Variants in SHROOM4 observed in about 807,000 individuals in gnomAD.
SHROOM4 encodes the protein protein Shroom4.
In SHROOM4, 17 loss-of-function variants were observed where a neutral mutation model predicts 80.3. That is an observed-to-expected ratio of 0.21 (90% CI 0.14 to 0.32). The LOEUF is 0.32. Among genes scored for constraint, SHROOM4 ranks in the 10% least tolerant of loss-of-function variants. The pLI is 1.00. For synonymous variants in SHROOM4, 400 were observed against 437.5 expected, an observed-to-expected ratio of 0.91 and a Z score of 1.07; for missense variants, 993 against 1,140.3, an observed-to-expected ratio of 0.87 and a Z score of 1.86.
At chrX:50,764,459 C>G (rs1266070333) in intron 1 of SHROOM4, among the ~76,000 whole-genome samples, 2 of 111,277 alleles carry the variant, frequency 1.8e-5, no homozygotes, top group African/African-American at 6.6e-5. Context: ...TGACTAGGAG[C>G]TTGGCATAAA....
chrX:50,791,577 CTTTTTTTTTTTTTTT>C (rs782127144), intron 1 of SHROOM4, among the ~76,000 whole-genome samples: 5 of 57,991 alleles, frequency 8.6e-5, no homozygotes, highest in Non-Finnish European at 1.5e-4. Flanking sequence ...CCATGCCTGA[CTTTTTTTTTTTTTTT>C]TTTTTTTTTT....
intron 1 of SHROOM4, among the ~76,000 whole-genome samples, chrX:50,770,037 A>G (rs568936509): frequency 5.4e-5 from 6 of 110,221 alleles, no homozygotes; most frequent in South Asian, 8.1e-4. Context: ...CTTTTTCCCA[A>G]TGATGGTGGA....
intron 1 of SHROOM4, among the ~76,000 whole-genome samples, chrX:50,813,572 C>A: frequency 8.9e-6 from 1 of 112,450 alleles, no homozygotes; most frequent in East Asian, 2.9e-4. Context: ...AAGGAGAAAT[C>A]CCCAACAGCC....
chrX:50,673,429 A>G (rs782248046), intron 2 of SHROOM4, among the ~76,000 whole-genome samples: 1 of 111,722 alleles, frequency 9.0e-6, no homozygotes, highest in South Asian at 3.7e-4. Flanking sequence ...CTAAAGATAA[A>G]TCAAAATGGG....
At position 50,635,078 on chromosome X, in the gene SHROOM4, T is replaced by C. The variant is rs782029983; in HGVS notation, c.995A>G (p.Asp332Gly). The change falls in exon 4 of 9, where the codon GAC (aspartate) becomes GGC (glycine). Residue 332 changes from aspartate (D) to glycine (G), a missense_variant. Coordinates refer to ENST00000376020, the MANE Select transcript of SHROOM4 (RefSeq NM_020717.5). ...CTGATGGCCCTCACTTGTCACTTGG[T>C]CATGCCCACTGAGGCAACAGAACCT... ...PNRFCCLSGH[D>G]QVTSEGHQNC... is the part of the protein sequence containing the mutation. 4 of 1,210,597 alleles carry C rather than the reference T, an allele frequency of 3.3e-6. No individual in the cohort carries two copies. In the African/African-American group the frequency reaches 7.0e-5, roughly 21 times the overall value.
intron 2 of SHROOM4, among the ~76,000 whole-genome samples, chrX:50,659,139 A>C (rs1932412811): frequency 9.0e-6 from 1 of 111,620 alleles, no homozygotes; most frequent in Non-Finnish European, 1.9e-5. Context: ...TGGTGTCCTG[A>C]GGGTAGGATA....
chrX:50,641,054 A>G (rs1931574423), intron 2 of SHROOM4, among the ~76,000 whole-genome samples: 1 of 112,476 alleles, frequency 8.9e-6, no homozygotes, highest in Admixed American at 9.4e-5. Flanking sequence ...TCTGCCTGGA[A>G]TGCCCCCTCT....
intron 2 of SHROOM4, among the ~76,000 whole-genome samples, chrX:50,648,427 C>T (rs1447821974): frequency 3.6e-5 from 4 of 112,208 alleles, no homozygotes; most frequent in Admixed American, 9.5e-5. Context: ...CCTCTATCTA[C>T]ATTTAAGGTG....
chrX:50,677,078 C>G (rs1557261382), intron 2 of SHROOM4, among the ~76,000 whole-genome samples: 2 of 111,176 alleles, frequency 1.8e-5, no homozygotes, highest in Non-Finnish European at 3.8e-5. Context: ...AGATGTTGAA[C>G]AGGTAAAGTT....
rs181266532 is a variant in SHROOM4 at position 50,798,677 on chromosome X, T to C, written c.117+15225A>G. Among the ~76,000 whole-genome samples, 5 of 111,207 alleles carry C rather than the reference T, an allele frequency of 4.5e-5. No individual in the cohort carries two copies. The East Asian group carries it at 8.5e-4, about 19-fold the overall frequency. ...AACCTCATTATTTTCATCTGTAAAA[T>C]AGGAATACTACTACTTAATTTACAG... On this transcript the variant is annotated intron_variant, in intron 1 of 8. Coordinates refer to ENST00000376020, the MANE Select transcript of SHROOM4 (RefSeq NM_020717.5).
intron 2 of SHROOM4, among the ~76,000 whole-genome samples, chrX:50,683,322 C>T (rs7055679): frequency 0.074 from 8,184 of 111,015 alleles, 774 homozygotes; most frequent in African/African-American, 0.26. Context: ...CGTTCTATTT[C>T]AAGGGGCCTG....
In SHROOM4 at chrX:50,695,856, A is replaced by G. The variant is rs1557263009; in HGVS notation, c.199T>C (p.Tyr67His). The change falls in exon 2 of 9, where the codon TAT becomes CAT. Residue 67 changes from tyrosine to histidine, a missense_variant. Coordinates refer to ENST00000376020, the MANE Select transcript of SHROOM4 (RefSeq NM_020717.5). ...ELVNINGTPL[Y>H]GSRQEALILI... ...ATGAGGGCCTCTTGGCGGGAGCCAT[A>G]TAATGGAGTGCCATTGATATTCACC... is the stretch of plus-strand genomic sequence containing the variant. The G allele has an allele frequency of 8.3e-7, 1 of 1,210,111 alleles. No homozygotes were observed. The highest frequency in any genetic ancestry group is 1.1e-6 in the Non-Finnish European group (1 of 894,919).
intron 5 of SHROOM4, among the ~76,000 whole-genome samples, chrX:50,622,727 G>T (rs1308470796): frequency 1.8e-5 from 2 of 111,951 alleles, no homozygotes; most frequent in African/African-American, 6.5e-5. Flanking sequence ...ACTCTATCAG[G>T]ATTTCTCCTC....
downstream of SHROOM4, among the ~76,000 whole-genome samples, chrX:50,583,577 A>G (rs1557244492): frequency 8.9e-6 from 1 of 111,950 alleles, no homozygotes; most frequent in Non-Finnish European, 1.9e-5. Context: ...AGCTTGATGA[A>G]GTAAGCAGCC....
At chrX:50,608,493 G>A (rs1262941414) in intron 5 of SHROOM4, among the ~76,000 whole-genome samples, 1 of 110,899 alleles carries the variant, frequency 9.0e-6, no homozygotes, top group Non-Finnish European at 1.9e-5. Context: ...GAGCATTTAA[G>A]TAACTTGCCT....
chrX:50,604,305 T>C (rs1929574076), intron 6 of SHROOM4, among the ~76,000 whole-genome samples: 1 of 111,865 alleles, frequency 8.9e-6, no homozygotes, highest in African/African-American at 3.3e-5. Context: ...AATTGAATGC[T>C]CATGAAAACC....
intron 5 of SHROOM4, among the ~76,000 whole-genome samples, chrX:50,618,276 TCCCC>T (rs1237986734): frequency 2.3e-4 from 20 of 87,039 alleles, no homozygotes; most frequent in African/African-American, 4.5e-4. Context: ...TCTCTTCTCT[TCCCC>T]TTCCTTCCTT....
At chrX:50,717,004 G>A (rs1933971671) in intron 1 of SHROOM4, among the ~76,000 whole-genome samples, 2 of 112,303 alleles carry the variant, frequency 1.8e-5, no homozygotes, top group African/African-American at 6.5e-5. Context: ...CCTGACGTAC[G>A]ATGCCTGCTT....
chrX:50,657,754 G>C (rs781852358), intron 2 of SHROOM4, among the ~76,000 whole-genome samples: 2 of 108,959 alleles, frequency 1.8e-5, no homozygotes, highest in Non-Finnish European at 3.8e-5. Flanking sequence ...CTATTTGAAT[G>C]GTTTTCCTTC....
Sources: gnomAD v4.1 joint callset for allele counts (sites outside exome capture counted in the v4.1 genomes callset) on GRCh38, gnomAD v4.1.1 for gene constraint, MANE v1.5 for transcripts, NCBI Gene and HGNC (gene_info 2026-07-23, HGNC 2026-07-21) for gene names.